The following LTBP1 variants were observed in gnomAD, a reference collection of about 807,000 sequenced individuals.
The protein encoded by LTBP1 is latent-transforming growth factor beta-binding protein 1.
Under a neutral mutation model 207.6 loss-of-function variants are expected in LTBP1, and 129 were observed. The ratio of observed to expected loss-of-function variants is 0.62; its 90% confidence interval spans 0.54 to 0.72. LTBP1 has a LOEUF of 0.72. Among genes scored for constraint, LTBP1 ranks in the 30% least tolerant of loss-of-function variants. LTBP1 has a pLI of 0.00. For synonymous variants in LTBP1, 963 were observed against 833.7 expected (o/e 1.16, Z -2.67); for missense variants, 2,281 against 2,217.2 (o/e 1.03, Z -0.58).
intron 15 of LTBP1, among the ~76,000 whole-genome samples, chr2:33,272,106 G>A (rs957366870): frequency 1.3e-5 from 2 of 152,140 alleles, no homozygotes; most frequent in Admixed American, 1.3e-4. Flanking sequence ...TTTTTCAGAT[G>A]ACTTGCATGA....
chr2:33,066,829 G>C (rs772968508), intron 3 of LTBP1, among the ~76,000 whole-genome samples: 1 of 152,138 alleles, frequency 6.6e-6, no homozygotes, highest in Non-Finnish European at 1.5e-5. Flanking sequence ...ATTTATTGAT[G>C]GTGAGTTAAT....
At chr2:33,285,032 ATTCTTTT>A (rs925755617) in intron 19 of LTBP1, among the ~76,000 whole-genome samples, 3 of 137,256 alleles carry the variant, frequency 2.2e-5, no homozygotes, top group African/African-American at 8.4e-5. Context: ...TATGTATCAC[ATTCTTTT>A]TTTTTTTTTT....
chr2:33,304,882 A>G (rs943475276), intron 22 of LTBP1, among the ~76,000 whole-genome samples: 1 of 152,260 alleles, frequency 6.6e-6, no homozygotes, highest in Non-Finnish European at 1.5e-5. Flanking sequence ...AGTCATTCAT[A>G]CATTCACTTA....
intron 15 of LTBP1, among the ~76,000 whole-genome samples, chr2:33,266,724 G>T (rs936082698): frequency 6.6e-6 from 1 of 152,146 alleles, no homozygotes; most frequent in African/African-American, 2.4e-5. Flanking sequence ...CGTGCCCGCA[G>T]AAAGGAGCTA....
chr2:33,117,541 C>T (rs943540464), intron 4 of LTBP1, among the ~76,000 whole-genome samples: 5 of 152,176 alleles, frequency 3.3e-5, no homozygotes, highest in Admixed American at 1.3e-4. Flanking sequence ...TTACAAGAGA[C>T]ATTCAAGATT....
chr2:32,977,694 A>G (rs1383671631), intron 2 of LTBP1, among the ~76,000 whole-genome samples: 2 of 152,172 alleles, frequency 1.3e-5, no homozygotes, highest in Non-Finnish European at 2.9e-5. Context: ...GAAAGTGTGA[A>G]TCCCCTGAGG....
chr2:33,127,853 G>T (rs552770128), intron 4 of LTBP1, among the ~76,000 whole-genome samples: 1 of 152,304 alleles, frequency 6.6e-6, no homozygotes, highest in South Asian at 2.1e-4. Flanking sequence ...AAAGGAAACT[G>T]CATGAGTGAG....
At chr2:33,283,125 G>T (rs1463152480) in intron 19 of LTBP1, among the ~76,000 whole-genome samples, 1 of 149,302 alleles carries the variant, frequency 6.7e-6, no homozygotes, top group African/African-American at 2.5e-5. Context: ...CTTCATTGTA[G>T]TTATACTCTA....
intron 5 of LTBP1, among the ~76,000 whole-genome samples, chr2:33,136,646 A>C (rs2082166755): frequency 6.6e-6 from 1 of 152,074 alleles, no homozygotes; most frequent in Admixed American, 6.5e-5. Context: ...GTTTATTGTA[A>C]ATCTTTACAG....
chr2:33,228,560 T>C (rs957040152), intron 9 of LTBP1, among the ~76,000 whole-genome samples: 1 of 152,200 alleles, frequency 6.6e-6, no homozygotes, highest in Non-Finnish European at 1.5e-5. Flanking sequence ...CCATATGCTA[T>C]GTACTTGGTT....
chr2:33,034,086 T>A (rs2075809640), intron 3 of LTBP1, among the ~76,000 whole-genome samples: 2 of 152,180 alleles, frequency 1.3e-5, no homozygotes, highest in African/African-American at 4.8e-5. Context: ...GGCATCTTTC[T>A]CTCAGATGGC....
intron 26 of LTBP1, among the ~76,000 whole-genome samples, chr2:33,350,780 C>T (rs1459799997): frequency 6.8e-6 from 1 of 146,274 alleles, no homozygotes; most frequent in African/African-American, 2.4e-5. Context: ...TTCCTTAGTG[C>T]CTGTGATAAT....
chr2:33,276,425 T>C (rs2093427778), intron 18 of LTBP1, among the ~76,000 whole-genome samples: 1 of 152,224 alleles, frequency 6.6e-6, no homozygotes, highest in South Asian at 2.1e-4. Flanking sequence ...ATTTCCTCAT[T>C]ATTGACCACA....
At chr2:32,997,143 C>T (rs1459567360) in intron 2 of LTBP1, among the ~76,000 whole-genome samples, 3 of 152,110 alleles carry the variant, frequency 2.0e-5, no homozygotes. Context: ...CCTCGGCCTC[C>T]CAAGGTGCTG....
intron 23 of LTBP1, 150 bp from the exon 24 acceptor site, chr2:33,314,994 C>G: frequency 1.6e-6 from 1 of 626,222 alleles, no homozygotes; most frequent in Non-Finnish European, 2.7e-6. Context: ...CTCAGCTTGT[C>G]CTGTGGTTGA....
chr2:33,193,437 C>T (rs1407713243), intron 7 of LTBP1, among the ~76,000 whole-genome samples: 4 of 152,178 alleles, frequency 2.6e-5, no homozygotes, highest in African/African-American at 4.8e-5. Flanking sequence ...CCACCGCACC[C>T]AGCAGGAAAA....
chr2:32,995,142 C>T (rs1316295677), intron 2 of LTBP1, among the ~76,000 whole-genome samples: 1 of 151,896 alleles, frequency 6.6e-6, no homozygotes, highest in East Asian at 1.9e-4. Flanking sequence ...TATGATCACA[C>T]CATTGCACTC....
intron 5 of LTBP1, among the ~76,000 whole-genome samples, chr2:33,174,901 T>A (rs995279917): frequency 1.6e-5 from 2 of 121,394 alleles, no homozygotes; most frequent in Admixed American, 1.7e-4. Flanking sequence ...AAACAAGCAA[T>A]GGGGAAAGGA....
In LTBP1 at chr2:32,996,993, T is replaced by G. The variant is rs1435011407; in HGVS notation, c.566-23916T>G. On this transcript the variant is annotated intron_variant, in intron 2 of 33. Coordinates refer to ENST00000404816, the MANE Select transcript of LTBP1 (RefSeq NM_206943.4). ...TCCGCCTTCTGGGTCCAAGCGATTC[T>G]CATGCCTCAGCCTCCCGAGTAGCTG... is the stretch of plus-strand genomic sequence containing the variant. Among the ~76,000 whole-genome samples the G allele has an allele frequency of 2.6e-5, 4 of 152,122 alleles. No homozygotes were observed. The East Asian group carries it at 7.8e-4, about 30-fold the overall frequency.
Sources: gnomAD v4.1 joint callset for allele counts (sites outside exome capture counted in the v4.1 genomes callset) on GRCh38, gnomAD v4.1.1 for gene constraint, MANE v1.5 for transcripts, NCBI Gene and HGNC (gene_info 2026-07-23, HGNC 2026-07-21) for gene names.